The following ANO1 variants were observed in gnomAD, a reference collection of about 807,000 sequenced individuals.
ANO1 encodes anoctamin 1, also known as anoctamin-1.
A neutral mutation model predicts 124.0 loss-of-function variants in ANO1; 59 were observed. The ratio of observed to expected loss-of-function variants is 0.48; its 90% CI spans 0.39 to 0.59. The LOEUF (loss-of-function observed/expected upper bound fraction) is 0.59, where lower values mean the gene tolerates loss of function less well. ANO1 is among the 20% of genes least tolerant of loss of function. The pLI is 0.00. For missense variants in ANO1, 1,059 were observed against 1,328.0 expected, an observed-to-expected ratio of 0.80 and a Z score of 3.15; for synonymous variants, 529 against 532.0, an observed-to-expected ratio of 0.99 and a Z score of 0.08.
intron 19 of ANO1, 49 bp from the exon 20 acceptor site, chr11:70,165,421 C>G: frequency 6.7e-7 from 1 of 1,499,872 alleles, no homozygotes; most frequent in Non-Finnish European, 9.1e-7. Flanking sequence ...GGCTGGGGTC[C>G]CTCTCTCGGT....
chr11:70,032,466 T>A (rs1283902956), intron 1 of ANO1, among the ~76,000 whole-genome samples: 1 of 145,840 alleles, frequency 6.9e-6, no homozygotes, highest in African/African-American at 2.5e-5. Context: ...GAGGACTCCC[T>A]GGGTGGGGAG....
At chr11:70,137,329 T>TCCCCTGCCTG (rs538558710) in intron 11 of ANO1, among the ~76,000 whole-genome samples, 3,577 of 138,960 alleles carry the variant, frequency 0.026, 178 homozygotes, top group African/African-American at 0.049. Context: ...CTGTCCTCTC[T>TCCCCTGCCTG]CCCCTGCCTG....
At chr11:70,132,825 A>G (rs1397532821) in intron 11 of ANO1, among the ~76,000 whole-genome samples, 1 of 152,234 alleles carries the variant, frequency 6.6e-6, no homozygotes, top group Non-Finnish European at 1.5e-5. Flanking sequence ...CACAGTGGGC[A>G]GCCTGTGCTG....
At chr11:70,078,778 A>T (rs2044109111) in intron 1 of ANO1, 64 bp downstream of exon 1, 2 of 1,163,028 alleles carry the variant, frequency 1.7e-6, no homozygotes. Context: ...CGAGGGCGGG[A>T]ACCGGGCGGC....
At chr11:70,088,777 G>T (rs1479705917) in intron 2 of ANO1, among the ~76,000 whole-genome samples, 1 of 152,198 alleles carries the variant, frequency 6.6e-6, no homozygotes, top group Non-Finnish European at 1.5e-5. Flanking sequence ...CCTGGATGGG[G>T]TCGGCCCTTC....
intron 2 of ANO1, among the ~76,000 whole-genome samples, chr11:70,098,264 A>C (rs75387809): frequency 0.1 from 15,536 of 152,248 alleles, 1,009 homozygotes; most frequent in Middle Eastern, 0.18. Context: ...GGATTTGTCC[A>C]GGTGTTCTGT....
At chr11:70,100,036 A>C (rs544804027) in intron 2 of ANO1, among the ~76,000 whole-genome samples, 1 of 152,250 alleles carries the variant, frequency 6.6e-6, no homozygotes, top group South Asian at 2.1e-4. Context: ...TATGTCCTTC[A>C]GCCCTGGGCT....
intron 1 of ANO1, among the ~76,000 whole-genome samples, chr11:70,070,800 T>C (rs1279154522): frequency 1.3e-5 from 2 of 152,200 alleles, no homozygotes; most frequent in Non-Finnish European, 2.9e-5. Flanking sequence ...TGTAGCTGAA[T>C]GAACCCCTCA....
At chr11:69,993,579 CTCCCCAGCCTCCA>C (rs1197570887) in intron 1 of ANO1, among the ~76,000 whole-genome samples, 1 of 152,192 alleles carries the variant, frequency 6.6e-6, no homozygotes, top group Admixed American at 6.5e-5. Flanking sequence ...GTCTTCAGAT[CTCCCCAGCCTCCA>C]TCCCTTATTC....
intron 1 of ANO1, among the ~76,000 whole-genome samples, chr11:70,066,209 C>T (rs1411328220): frequency 6.6e-6 from 1 of 152,186 alleles, no homozygotes; most frequent in Non-Finnish European, 1.5e-5. Flanking sequence ...GAGCAGATGG[C>T]CAAGTCTGTG....
At chr11:70,047,080 C>CA (rs10660510) in intron 1 of ANO1, among the ~76,000 whole-genome samples, 31,084 of 73,232 alleles carry the variant, frequency 0.42, 4,638 homozygotes, top group African/African-American at 0.57. Context: ...GACTCTGTCT[C>CA]AAAAAAAAAA....
At chr11:70,100,617 G>A (rs1456821654) in intron 2 of ANO1, among the ~76,000 whole-genome samples, 1 of 152,190 alleles carries the variant, frequency 6.6e-6, no homozygotes, top group Non-Finnish European at 1.5e-5. Flanking sequence ...CCCACTTTGG[G>A]GTCACGTGTT....
chr11:69,988,843 C>T (rs1382557746), intron 1 of ANO1, among the ~76,000 whole-genome samples: 1 of 152,146 alleles, frequency 6.6e-6, no homozygotes, highest in Non-Finnish European at 1.5e-5. Context: ...ATATCCCCTT[C>T]TCTTGGAAAT....
upstream of ANO1, chr11:69,985,873 G>A (rs1856029932): frequency 6.6e-6 from 1 of 152,218 alleles, no homozygotes; most frequent in Non-Finnish European, 1.5e-5. Flanking sequence ...GGGACCCCCA[G>A]ACCAAAAAGC....
intron 14 of ANO1, 100 bp downstream of exon 14, chr11:70,153,228 G>C (rs1412716143): frequency 5.5e-6 from 6 of 1,083,586 alleles, no homozygotes; most frequent in African/African-American, 1.6e-5. Flanking sequence ...ATTGTAGGCT[G>C]TGTAACCCCG....
the ANO1 span, among the ~76,000 whole-genome samples, chr11:69,976,294 G>A: frequency 1.3e-5 from 2 of 152,058 alleles, no homozygotes; most frequent in African/African-American, 4.8e-5. Context: ...CGGATCATGA[G>A]GTCAGGAGTT....
At chr11:70,126,024 A>G in intron 9 of ANO1, 37 bp from the exon 10 acceptor site, 1 of 1,568,330 alleles carries the variant, frequency 6.4e-7, no homozygotes, top group Non-Finnish European at 8.7e-7. Context: ...GTATTGAATG[A>G]CAGTGGGCTT....
chr11:70,115,387 C>T (rs944079981), intron 7 of ANO1, among the ~76,000 whole-genome samples: 7 of 152,106 alleles, frequency 4.6e-5, no homozygotes, highest in East Asian at 1.9e-4. Context: ...CCGAGGCGAG[C>T]GGATCACTTG....
chr11:70,135,942 G>A (rs1412270020), intron 11 of ANO1, among the ~76,000 whole-genome samples: 1 of 152,230 alleles, frequency 6.6e-6, no homozygotes, highest in African/African-American at 2.4e-5. Context: ...ACCCAGTCAC[G>A]CCTTCCAGGT....
Sources: gnomAD v4.1 joint callset for allele counts (sites outside exome capture counted in the v4.1 genomes callset) on GRCh38, gnomAD v4.1.1 for gene constraint, MANE v1.5 for transcripts, NCBI Gene and HGNC (gene_info 2026-07-23, HGNC 2026-07-21) for gene names.